Variants in MAGI2 observed in about 807,000 individuals in gnomAD.
The protein encoded by MAGI2 is membrane-associated guanylate kinase, WW and PDZ domain-containing protein 2.
In MAGI2, 35 loss-of-function variants were observed where a neutral mutation model predicts 133.3. The observed-to-expected ratio is 0.26, with a 90% CI of 0.20 to 0.35. MAGI2 has a LOEUF of 0.35. Among genes scored for constraint, MAGI2 ranks in the 10% least tolerant of loss-of-function variants. The pLI is 1.00. For synonymous variants in MAGI2, 729 were observed against 710.6 expected, an observed-to-expected ratio of 1.03 and a Z score of -0.41; for missense variants, 1,636 against 1,863.4, an observed-to-expected ratio of 0.88 and a Z score of 2.25.
At chr7:78,506,652 A>T (rs557118237) in intron 4 of MAGI2, among the ~76,000 whole-genome samples, 1 of 152,344 alleles carries the variant, frequency 6.6e-6, no homozygotes, top group East Asian at 1.9e-4. Flanking sequence ...ACTGTGGCCA[A>T]AGCTTCTGCA....
At chr7:78,458,695 C>T (rs1584232631) in intron 6 of MAGI2, among the ~76,000 whole-genome samples, 2 of 150,110 alleles carry the variant, frequency 1.3e-5, no homozygotes, top group African/African-American at 2.5e-5. Context: ...AGTGCAGTGG[C>T]ACGATCTCGG....
chr7:78,267,043 T>G (rs3915115), intron 9 of MAGI2, among the ~76,000 whole-genome samples: 1 of 151,996 alleles, frequency 6.6e-6, no homozygotes, highest in East Asian at 1.9e-4. Context: ...GTCGGAGAAG[T>G]GCTCAACCCT....
intron 7 of MAGI2, among the ~76,000 whole-genome samples, chr7:78,362,182 A>G (rs1792888006): frequency 6.6e-6 from 1 of 152,082 alleles, no homozygotes; most frequent in Non-Finnish European, 1.5e-5. Flanking sequence ...CACACCTGTA[A>G]TCCCAGCTAC....
intron 9 of MAGI2, among the ~76,000 whole-genome samples, chr7:78,312,122 T>C (rs1310501593): frequency 6.6e-6 from 1 of 152,104 alleles, no homozygotes; most frequent in East Asian, 1.9e-4. Flanking sequence ...CTAAATACGA[T>C]TTTACATGAA....
chr7:78,924,598 A>G (rs918637551), intron 2 of MAGI2, among the ~76,000 whole-genome samples: 2 of 151,314 alleles, frequency 1.3e-5, no homozygotes, highest in Non-Finnish European at 2.9e-5. Context: ...TCAGTTTGTC[A>G]GTATTTTATT....
At chr7:79,134,111 T>A (rs1465167079) in intron 1 of MAGI2, among the ~76,000 whole-genome samples, 1 of 152,198 alleles carries the variant, frequency 6.6e-6, no homozygotes, top group Non-Finnish European at 1.5e-5. Context: ...AAAGTTAAAA[T>A]CTTAGTCTAT....
intron 1 of MAGI2, among the ~76,000 whole-genome samples, chr7:79,423,353 A>C (rs530539735): frequency 1.3e-5 from 2 of 151,844 alleles, no homozygotes; most frequent in Non-Finnish European, 2.9e-5. Context: ...AATTTGCCCC[A>C]GATCCAAAAT....
chr7:78,432,383 C>G (rs1024946533), intron 6 of MAGI2, among the ~76,000 whole-genome samples: 5 of 152,040 alleles, frequency 3.3e-5, no homozygotes, highest in African/African-American at 1.2e-4. Flanking sequence ...GTAGTTCTAA[C>G]CGTGCTTAGA....
chr7:78,972,211 A>T (rs980387510), intron 2 of MAGI2, among the ~76,000 whole-genome samples: 1 of 151,928 alleles, frequency 6.6e-6, no homozygotes, highest in Non-Finnish European at 1.5e-5. Context: ...TCACTGATTT[A>T]AAAAATGCAT....
At chr7:79,319,594 A>G (rs959902801) in intron 1 of MAGI2, among the ~76,000 whole-genome samples, 1 of 152,272 alleles carries the variant, frequency 6.6e-6, no homozygotes, top group African/African-American at 2.4e-5. Flanking sequence ...TCAACCCTTG[A>G]ATTTGGAAAG....
intron 20 of MAGI2, among the ~76,000 whole-genome samples, chr7:78,082,309 C>T (rs7789638): frequency 0.18 from 27,925 of 152,030 alleles, 2,620 homozygotes; most frequent in South Asian, 0.24. Context: ...AGGAGAGAAG[C>T]GGTGGTTTGA....
intron 2 of MAGI2, among the ~76,000 whole-genome samples, chr7:78,946,479 T>A (rs1801427842): frequency 6.6e-6 from 1 of 152,204 alleles, no homozygotes; most frequent in African/African-American, 2.4e-5. Flanking sequence ...AGTATCTGAA[T>A]TATAATATTA....
At chr7:79,436,977 A>G (rs537484910) in intron 1 of MAGI2, among the ~76,000 whole-genome samples, 1 of 152,324 alleles carries the variant, frequency 6.6e-6, no homozygotes, top group South Asian at 2.1e-4. Context: ...TGGATAAAGA[A>G]AATGTGGTAC....
chr7:79,007,059 T>G, intron 2 of MAGI2, 31 bp downstream of exon 2: 1 of 1,409,222 alleles, frequency 7.1e-7, no homozygotes, highest in African/African-American at 1.5e-5. Flanking sequence ...TCTCTCAACA[T>G]AAAAATATTA....
chr7:78,617,035 A>C (rs2150927879), intron 3 of MAGI2: 1 of 152,304 alleles, frequency 6.6e-6, no homozygotes, highest in African/African-American at 2.4e-5. Flanking sequence ...AAAAATAAAT[A>C]ATTGGAACAG....
At chr7:78,120,545 T>G (rs1461768583) in intron 20 of MAGI2, among the ~76,000 whole-genome samples, 1 of 152,136 alleles carries the variant, frequency 6.6e-6, no homozygotes, top group African/African-American at 2.4e-5. Flanking sequence ...CAACACTCAT[T>G]AAAAGGTAGC....
chr7:78,301,604 G>C (rs1440592858), intron 9 of MAGI2, among the ~76,000 whole-genome samples: 1 of 152,190 alleles, frequency 6.6e-6, no homozygotes, highest in African/African-American at 2.4e-5. Context: ...TCACACTTCA[G>C]TCTGGTTTTT....
At chr7:78,273,939 G>A (rs1417956292) in intron 9 of MAGI2, among the ~76,000 whole-genome samples, 1 of 152,058 alleles carries the variant, frequency 6.6e-6, no homozygotes, top group East Asian at 1.9e-4. Flanking sequence ...ACTTCTGTCA[G>A]TTCGTCAAAC....
intron 2 of MAGI2, among the ~76,000 whole-genome samples, chr7:78,969,894 A>AT (rs1387807868): frequency 1.3e-5 from 2 of 149,282 alleles, no homozygotes; most frequent in South Asian, 2.1e-4. Context: ...CAAAGCAAAC[A>AT]TTTTTTTGTG....
Sources: gnomAD v4.1 joint callset for allele counts (sites outside exome capture counted in the v4.1 genomes callset) on GRCh38, gnomAD v4.1.1 for gene constraint, MANE v1.5 for transcripts, NCBI Gene and HGNC (gene_info 2026-07-23, HGNC 2026-07-21) for gene names.